The following CDH13 variants were observed in gnomAD, a reference collection of about 807,000 sequenced individuals.
The protein encoded by CDH13 is cadherin-13.
A neutral mutation model predicts 63.8 loss-of-function variants in CDH13; 24 were observed. The ratio of observed to expected loss-of-function variants is 0.38; its 90% CI spans 0.27 to 0.53. CDH13 has a LOEUF of 0.53. Ranked by LOEUF, CDH13 falls within the 20% of genes least tolerant of loss-of-function variation. The probability of loss-of-function intolerance (pLI) is 0.85; values close to 1 mark genes in which losing one functional copy is unlikely to be tolerated. For synonymous variants in CDH13, 503 were observed against 355.3 expected (o/e 1.42, Z -4.67); for missense variants, 1,049 against 903.1 (o/e 1.16, Z -2.07).
chr16:82,830,999 T>C (rs1237870048), intron 1 of CDH13, among the ~76,000 whole-genome samples: 2 of 152,290 alleles, frequency 1.3e-5, no homozygotes, highest in Admixed American at 6.5e-5. Flanking sequence ...GAAACTGAGC[T>C]GAAGCTACGG....
At chr16:83,200,411 T>C (rs1358508898) in intron 4 of CDH13, among the ~76,000 whole-genome samples, 1 of 152,188 alleles carries the variant, frequency 6.6e-6, no homozygotes, top group Non-Finnish European at 1.5e-5. Flanking sequence ...TCGTGTTCCA[T>C]GTCTCTAAGC....
At chr16:83,769,962 G>A (rs982470082) in intron 11 of CDH13, among the ~76,000 whole-genome samples, 1 of 152,146 alleles carries the variant, frequency 6.6e-6, no homozygotes, top group African/African-American at 2.4e-5. Flanking sequence ...ATGACCTACT[G>A]CAACAAGGAA....
intron 2 of CDH13, among the ~76,000 whole-genome samples, chr16:82,932,040 G>A (rs970678343): frequency 3.9e-5 from 6 of 152,118 alleles, no homozygotes; most frequent in African/African-American, 7.2e-5. Flanking sequence ...CTTGTGGGGG[G>A]AAAATCACTG....
chr16:82,731,983 A>C (rs935382576), intron 1 of CDH13, among the ~76,000 whole-genome samples: 45 of 152,210 alleles, frequency 3.0e-4, no homozygotes, highest in Middle Eastern at 3.4e-3. Context: ...CCCTTTGCCT[A>C]CCTAACTCCT....
In CDH13 at chr16:83,728,029, C is replaced by G. The variant is rs946233672; in HGVS notation, c.1539-20079C>G. ...TTTGTGAGGCAAAAGCTTTTGAAAA[C>G]TGTGACTGTACAAAGAGCCACAGCT... is the stretch of plus-strand genomic sequence containing the variant. On this transcript the variant is annotated intron_variant, in intron 10 of 13. Coordinates refer to ENST00000567109, the MANE Select transcript of CDH13 (RefSeq NM_001257.5). Among the ~76,000 whole-genome samples the G allele has an allele frequency of 5.9e-5, 9 of 152,320 alleles. No homozygotes were observed. The East Asian group carries it at 1.3e-3, about 23-fold the overall frequency.
chr16:82,952,408 G>A (rs1313420902), intron 2 of CDH13, among the ~76,000 whole-genome samples: 1 of 152,192 alleles, frequency 6.6e-6, no homozygotes, highest in Non-Finnish European at 1.5e-5. Context: ...CTGGTTAATA[G>A]TAAGCTTTCA....
chr16:83,094,908 A>G (rs1005729363), intron 3 of CDH13, among the ~76,000 whole-genome samples: 18 of 152,168 alleles, frequency 1.2e-4, no homozygotes, highest in Non-Finnish European at 2.5e-4. Flanking sequence ...TAACTCTGTA[A>G]GTTATTGAAA....
At chr16:83,236,167 A>T (rs767474852) in intron 5 of CDH13, among the ~76,000 whole-genome samples, 3 of 152,052 alleles carry the variant, frequency 2.0e-5, no homozygotes, top group Non-Finnish European at 4.4e-5. Flanking sequence ...ATTAATATAG[A>T]ATAACTTTTC....
At chr16:83,660,960 G>GT (rs1188992367) in intron 8 of CDH13, among the ~76,000 whole-genome samples, 1 of 151,484 alleles carries the variant, frequency 6.6e-6, no homozygotes, top group African/African-American at 2.4e-5. Context: ...TTGCTCTTTG[G>GT]TTTTTATTTT....
intron 5 of CDH13, among the ~76,000 whole-genome samples, chr16:83,330,007 T>A (rs962924762): frequency 2.6e-5 from 4 of 152,236 alleles, no homozygotes; most frequent in African/African-American, 9.6e-5. Flanking sequence ...AATATATCTT[T>A]TAAGACCCTG....
intron 5 of CDH13, among the ~76,000 whole-genome samples, chr16:83,316,179 G>T (rs909507777): frequency 4.0e-4 from 61 of 152,202 alleles, no homozygotes; most frequent in African/African-American, 1.4e-3. Flanking sequence ...AAGAGCATGG[G>T]GGAACCACCC....
chr16:83,589,567 A>G lies in CDH13; in HGVS notation c.961-12887A>G, dbSNP rs562514682. On this transcript the variant is annotated intron_variant, in intron 7 of 13. Coordinates refer to ENST00000567109, the MANE Select transcript of CDH13 (RefSeq NM_001257.5). ...AAAATATTCACAGATTCCAGGAATT[A>G]GAACATGGCCATCTTTGATAGATGT... Among the ~76,000 whole-genome samples, 37 of 152,102 alleles carry G rather than the reference A, an allele frequency of 2.4e-4. 1 individual carries two copies. The South Asian group carries it at 7.3e-3, about 30-fold the overall frequency.
chr16:83,100,188 T>C lies in CDH13; in HGVS notation c.367-25197T>C, dbSNP rs561213375. ...GGGTTAGAAAGGTAAATAAGAAAGATAAAAATTAAATCCCTGCCTCATGGA... is the reference window on the plus strand; with the variant it reads ...GGGTTAGAAAGGTAAATAAGAAAGACAAAAATTAAATCCCTGCCTCATGGA... On this transcript the variant is annotated intron_variant, in intron 3 of 13. Coordinates refer to ENST00000567109, the MANE Select transcript of CDH13 (RefSeq NM_001257.5). 1.2e-3 allele frequency among the ~76,000 whole-genome samples: 185 copies of C among 152,230 alleles called. 1 individual carries two copies. Among genetic ancestry groups the C allele is most frequent in the South Asian group, 1.0e-2 (48 of 4,820 alleles).
At chr16:83,333,804 T>A (rs1293371672) in intron 5 of CDH13, among the ~76,000 whole-genome samples, 1 of 152,174 alleles carries the variant, frequency 6.6e-6, no homozygotes, top group East Asian at 1.9e-4. Context: ...CACCTGTTGT[T>A]TCGGCTTCAT....
intron 2 of CDH13, among the ~76,000 whole-genome samples, chr16:82,872,182 T>G (rs1239974259): frequency 6.6e-6 from 1 of 152,176 alleles, no homozygotes; most frequent in Admixed American, 6.5e-5. Flanking sequence ...GCCTGAGAAT[T>G]TTTAGAACCC....
At chr16:83,275,640 G>A (rs1183864647) in intron 5 of CDH13, among the ~76,000 whole-genome samples, 1 of 143,244 alleles carries the variant, frequency 7.0e-6, no homozygotes, top group African/African-American at 2.6e-5. Context: ...AACCTCAGGA[G>A]TGAGCCTTAT....
chr16:82,808,105 T>C (rs1042169554), intron 1 of CDH13, among the ~76,000 whole-genome samples: 1 of 152,164 alleles, frequency 6.6e-6, no homozygotes, highest in Non-Finnish European at 1.5e-5. Flanking sequence ...GCTAACTAGC[T>C]CAGTGAGCCT....
At chr16:83,263,337 A>G (rs949782537) in intron 5 of CDH13, among the ~76,000 whole-genome samples, 4 of 152,242 alleles carry the variant, frequency 2.6e-5, no homozygotes, top group East Asian at 1.9e-4. Context: ...CAGTGAATAT[A>G]TAACAGCGAT....
At chr16:83,556,333 C>CAGG (rs1274965557) in intron 7 of CDH13, among the ~76,000 whole-genome samples, 1 of 152,188 alleles carries the variant, frequency 6.6e-6, no homozygotes, top group African/African-American at 2.4e-5. Context: ...TATGAGGAAG[C>CAGG]AGGAGGAGGA....
Sources: allele counts gnomAD v4.1 joint callset (sites outside exome capture counted in the v4.1 genomes callset), GRCh38; gene constraint gnomAD v4.1.1; transcripts MANE v1.5; gene names NCBI Gene and HGNC (gene_info 2026-07-23, HGNC 2026-07-21).